KIAA1549: variants seen among roughly 807,000 people sequenced by gnomAD.
KIAA1549 encodes UPF0606 protein KIAA1549.
Under a neutral mutation model 156.4 loss-of-function variants are expected in KIAA1549, and 70 were observed. The ratio of observed to expected loss-of-function variants is 0.45; its 90% CI spans 0.37 to 0.55. KIAA1549 has a LOEUF of 0.55. KIAA1549 is among the 20% of genes least tolerant of loss of function. KIAA1549 has a pLI of 0.00. For synonymous variants in KIAA1549, 1,103 were observed against 1,066.4 expected (o/e 1.03, Z -0.67); for missense variants, 2,428 against 2,540.9 (o/e 0.96, Z 0.96).
intron 1 of KIAA1549, among the ~76,000 whole-genome samples, chr7:138,974,059 G>A (rs535082): frequency 0.06 from 9,067 of 152,308 alleles, 354 homozygotes; most frequent in Non-Finnish European, 0.09. Context: ...GTCGGAAAGG[G>A]AGCTATTCTA....
intron 5 of KIAA1549, among the ~76,000 whole-genome samples, chr7:138,908,750 C>T (rs58762784): frequency 0.17 from 25,718 of 152,040 alleles, 2,412 homozygotes; most frequent in African/African-American, 0.25. Flanking sequence ...TGAATATGGT[C>T]ATGTTTCTTC....
intron 1 of KIAA1549, among the ~76,000 whole-genome samples, chr7:138,937,699 T>C (rs541787682): frequency 6.6e-6 from 1 of 152,166 alleles, no homozygotes; most frequent in Non-Finnish European, 1.5e-5. Context: ...GATGTGGAAA[T>C]GGCTCATACG....
At chr7:138,863,105 C>T (rs1810635375) in intron 15 of KIAA1549, among the ~76,000 whole-genome samples, 1 of 152,074 alleles carries the variant, frequency 6.6e-6, no homozygotes, top group South Asian at 2.1e-4. Flanking sequence ...AAACCAGGAA[C>T]CAACGAAGAA....
chr7:138,903,791 CAGTGTGTGTGTGTGTG>C, intron 7 of KIAA1549, 55 bp from the exon 8 acceptor site: 2 of 1,352,702 alleles, frequency 1.5e-6, no homozygotes, highest in Non-Finnish European at 9.9e-7. Flanking sequence ...AGTAAAAAAA[CAGTGTGTGTGTGTGTG>C]TGTGTGTGTG....
At position 138,864,222 on chromosome 7, in the gene KIAA1549, C is replaced by A. The variant is rs964238007; in HGVS notation, c.4930-2766G>T. ...ACTGCAGGCACAAACTGAGATTCCA[C>A]TGTGGGAAACGATCTCAGACATTTG... is the stretch of plus-strand genomic sequence containing the variant. On this transcript the variant is annotated intron_variant, in intron 15 of 19. Transcript: ENST00000422774. 3.3e-5 allele frequency among the ~76,000 whole-genome samples: 5 copies of A among 152,222 alleles called. No individual in the cohort carries two copies. The South Asian group carries it at 1.0e-3, about 32-fold the overall frequency.
At chr7:138,934,796 G>T (rs1812962803) in intron 1 of KIAA1549, among the ~76,000 whole-genome samples, 1 of 152,148 alleles carries the variant, frequency 6.6e-6, no homozygotes. Context: ...AAACCATAAG[G>T]GGTTCCCCAG....
rs878930737 is a variant in KIAA1549, at chr7:138,861,352, C to T, written c.5034G>A (p.Pro1678=). ...FPASQYIPPQ[P]SIEEARQTMH... ...TGGTCTGGCGTGCCTCCTCGATGGACGGCTGGGGTGGGATGTACTGGGAGG... is the reference window on the plus strand; with the variant it reads ...TGGTCTGGCGTGCCTCCTCGATGGATGGCTGGGGTGGGATGTACTGGGAGG... The change falls in exon 16 of 20, where the codon CCG becomes CCA. Residue 1678 remains proline (P), a synonymous_variant. Transcript: ENST00000422774. The T allele has an allele frequency of 5.6e-6, 9 of 1,608,928 alleles. No homozygotes were observed. Among genetic ancestry groups the T allele is most frequent in the East Asian group, 2.2e-5 (1 of 44,776 alleles).
intron 1 of KIAA1549, among the ~76,000 whole-genome samples, chr7:138,940,457 C>T (rs9720095): frequency 0.087 from 12,893 of 148,282 alleles, 834 homozygotes; most frequent in African/African-American, 0.16. Flanking sequence ...CTATTGTGAA[C>T]AGTGCCGCAA....
chr7:138,973,637 T>C (rs1814286832), intron 1 of KIAA1549, among the ~76,000 whole-genome samples: 1 of 152,144 alleles, frequency 6.6e-6, no homozygotes, highest in South Asian at 2.1e-4. Context: ...TACCATCAAG[T>C]ACAACATTTA....
chr7:138,913,227 T>A (rs1206208234), intron 2 of KIAA1549, among the ~76,000 whole-genome samples: 1 of 152,136 alleles, frequency 6.6e-6, no homozygotes, highest in Admixed American at 6.6e-5. Context: ...CCAGATGACA[T>A]CTTCCTCTGT....
At chr7:138,960,541 C>T (rs529889) in intron 1 of KIAA1549, among the ~76,000 whole-genome samples, 44,523 of 151,814 alleles carry the variant, frequency 0.29, 7,721 homozygotes, top group African/African-American at 0.49. Context: ...AACTCCTAAC[C>T]TCAGGTGATC....
chr7:138,905,320 A>C (rs1811975672), intron 6 of KIAA1549, among the ~76,000 whole-genome samples: 1 of 152,262 alleles, frequency 6.6e-6, no homozygotes, highest in African/African-American at 2.4e-5. Flanking sequence ...ACTGCTTCAC[A>C]GAGAGGTCAC....
intron 19 of KIAA1549, among the ~76,000 whole-genome samples, chr7:138,838,893 G>A (rs771879327): frequency 6.6e-6 from 1 of 152,032 alleles, no homozygotes; most frequent in African/African-American, 2.4e-5. Flanking sequence ...TGCCAGGCAC[G>A]GTGTCTCATA....
chr7:138,850,159 A>G (rs1387390842), intron 17 of KIAA1549, among the ~76,000 whole-genome samples: 2 of 152,188 alleles, frequency 1.3e-5, no homozygotes, highest in South Asian at 2.1e-4. Context: ...TATACTAATC[A>G]AAACACATTT....
chr7:138,853,887 T>G (rs565476604), intron 16 of KIAA1549, among the ~76,000 whole-genome samples: 1 of 152,258 alleles, frequency 6.6e-6, no homozygotes, highest in East Asian at 1.9e-4. Context: ...TAAAAAAAAG[T>G]CAATGCTTAC....
chr7:138,973,239 C>T (rs1276610740), intron 1 of KIAA1549, among the ~76,000 whole-genome samples: 1 of 152,226 alleles, frequency 6.6e-6, no homozygotes, highest in Non-Finnish European at 1.5e-5. Flanking sequence ...TAACTCAAAC[C>T]TCACCAGGCC....
Position 138,898,919 on chromosome 7 carries a change from C to T in KIAA1549, c.3847+36G>A, listed in dbSNP as rs549884891. On this transcript the variant is annotated intron_variant, in intron 9 of 19. Transcript: ENST00000422774. ...ACGAGCCTGGCTTTGGTGCCCAGCA[C>T]AGCACAGCACAGACGACAACACCTC... 2.0e-5 allele frequency: 32 copies of T among 1,602,766 alleles called. No homozygotes were observed. In the African/African-American group the frequency reaches 3.9e-4, roughly 19 times the overall value.
intron 18 of KIAA1549, among the ~76,000 whole-genome samples, chr7:138,841,100 T>A (rs1459413084): frequency 2.0e-5 from 3 of 152,126 alleles, no homozygotes; most frequent in Non-Finnish European, 4.4e-5. Flanking sequence ...GTACTTCCAT[T>A]CATCTCTGTG....
intron 1 of KIAA1549, among the ~76,000 whole-genome samples, chr7:138,960,044 A>G (rs889641476): frequency 6.6e-6 from 1 of 152,158 alleles, no homozygotes; most frequent in Non-Finnish European, 1.5e-5. Context: ...CCCAACTCCA[A>G]TTGGTCAAAG....
Sources: allele counts gnomAD v4.1 joint callset (sites outside exome capture counted in the v4.1 genomes callset), GRCh38; gene constraint gnomAD v4.1.1; transcripts MANE v1.5; gene names NCBI Gene and HGNC (gene_info 2026-07-23, HGNC 2026-07-21).